The following ERC2 variants were observed in gnomAD, a reference collection of about 807,000 sequenced individuals.
ERC2 encodes ELKS/RAB6-interacting/CAST family member 2, also known as ERC protein 2.
ERC2 carries 42 observed loss-of-function variants against 114.8 expected under a neutral mutation model. The ratio of observed to expected loss-of-function variants is 0.37; its 90% CI spans 0.29 to 0.47. The LOEUF is 0.47. Among genes scored for constraint, ERC2 ranks in the 20% least tolerant of loss-of-function variants. ERC2 has a pLI of 0.99. For synonymous variants in ERC2, 454 were observed against 425.5 expected, an observed-to-expected ratio of 1.07 and a Z score of -0.82; for missense variants, 939 against 1,150.7, an observed-to-expected ratio of 0.82 and a Z score of 2.66.
intron 15 of ERC2, among the ~76,000 whole-genome samples, chr3:55,709,240 G>A (rs925941603): frequency 3.8e-4 from 57 of 151,946 alleles, no homozygotes; most frequent in African/African-American, 1.1e-3. Flanking sequence ...AGCGCCCTCC[G>A]AAAGAGGCCG....
chr3:55,938,500 C>A (rs1298528295), intron 13 of ERC2, among the ~76,000 whole-genome samples: 1 of 152,136 alleles, frequency 6.6e-6, no homozygotes, highest in Non-Finnish European at 1.5e-5. Flanking sequence ...AGGAAAATAA[C>A]CTTGCAAGAT....
chr3:56,090,666 C>CT (rs75767701), intron 6 of ERC2, among the ~76,000 whole-genome samples: 13,675 of 139,578 alleles, frequency 0.098, 855 homozygotes, highest in Non-Finnish European at 0.15. Context: ...TTCATATTTT[C>CT]TTTTTTTTTT....
intron 14 of ERC2, among the ~76,000 whole-genome samples, chr3:55,874,753 G>A (rs2062744951): frequency 6.6e-6 from 1 of 152,012 alleles, no homozygotes. Flanking sequence ...TGAAAGAAAT[G>A]AGACCTTGAG....
chr3:55,819,648 A>C (rs989452965), intron 14 of ERC2, among the ~76,000 whole-genome samples: 1 of 152,230 alleles, frequency 6.6e-6, no homozygotes, highest in Non-Finnish European at 1.5e-5. Context: ...AAAGAAAGGA[A>C]AGGCTCTGGA....
At chr3:55,764,991 C>A (rs2067679284) in intron 14 of ERC2, among the ~76,000 whole-genome samples, 1 of 152,106 alleles carries the variant, frequency 6.6e-6, no homozygotes, top group Admixed American at 6.6e-5. Flanking sequence ...AACTCTGTGC[C>A]AAACTTTATC....
rs956087043 is a variant in ERC2 at position 55,860,622 on chromosome 3, C to T, written c.2564+27767G>A. On this transcript the variant is annotated intron_variant, in intron 14 of 17. Coordinates refer to ENST00000288221, the MANE Select transcript of ERC2 (RefSeq NM_015576.3). The stretch of plus-strand genomic sequence containing the variant: ...GATCTGACTGTTGTCCTGTCAACGA[C>T]GCACTTTATTTTCTGCTGAAGCCTG... 4.6e-5 allele frequency among the ~76,000 whole-genome samples: 7 copies of T among 152,086 alleles called. No individual in the cohort carries two copies. In the East Asian group the frequency reaches 1.2e-3, roughly 25 times the overall value.
intron 14 of ERC2, among the ~76,000 whole-genome samples, chr3:55,883,888 AAAAC>A (rs1366942253): frequency 1.6e-5 from 2 of 127,146 alleles, no homozygotes; most frequent in Non-Finnish European, 1.6e-5. Flanking sequence ...GCTCCGTCTC[AAAAC>A]AACAACAACA....
At chr3:55,714,710 T>TACAC (rs2064009122) in intron 15 of ERC2, among the ~76,000 whole-genome samples, 1 of 99,632 alleles carries the variant, frequency 1.0e-5, no homozygotes, top group Admixed American at 1.1e-4. Flanking sequence ...TATATATATA[T>TACAC]ATATGAAAAG....
intron 17 of ERC2, among the ~76,000 whole-genome samples, chr3:55,587,947 C>A (rs190893641): frequency 6.6e-6 from 1 of 152,342 alleles, no homozygotes; most frequent in East Asian, 1.9e-4. Context: ...TGGTAACCAG[C>A]TGTGGCAGAG....
At chr3:55,758,054 A>G (rs62249342) in intron 14 of ERC2, among the ~76,000 whole-genome samples, 4,114 of 152,220 alleles carry the variant, frequency 0.027, 74 homozygotes, top group Non-Finnish European at 0.039. Context: ...CTGAAATATT[A>G]ATGACTTAAA....
At chr3:55,761,350 G>A (rs1275229554) in intron 14 of ERC2, among the ~76,000 whole-genome samples, 1 of 151,896 alleles carries the variant, frequency 6.6e-6, no homozygotes, top group Non-Finnish European at 1.5e-5. Context: ...TTTAATACAA[G>A]TGTGTCCTGC....
At chr3:55,866,129 C>A (rs1398183100) in intron 14 of ERC2, among the ~76,000 whole-genome samples, 1 of 152,068 alleles carries the variant, frequency 6.6e-6, no homozygotes. Flanking sequence ...AATTGCCTGT[C>A]TTTTTTCTGA....
chr3:55,753,685 G>A (rs1408409143), intron 14 of ERC2, among the ~76,000 whole-genome samples: 6 of 152,196 alleles, frequency 3.9e-5, no homozygotes, highest in East Asian at 3.8e-4. Context: ...ATTCACGAAC[G>A]GAAAACGACT....
intron 14 of ERC2, among the ~76,000 whole-genome samples, chr3:55,821,841 G>A (rs2060136086): frequency 6.6e-6 from 1 of 152,240 alleles, no homozygotes; most frequent in East Asian, 1.9e-4. Context: ...TCAATAATCA[G>A]TAGATTACCA....
At chr3:55,902,767 G>A (rs1261124712) in intron 13 of ERC2, among the ~76,000 whole-genome samples, 4 of 152,110 alleles carry the variant, frequency 2.6e-5, no homozygotes, top group Admixed American at 2.6e-4. Context: ...TTTTGACACT[G>A]GGCTCCTAGG....
At chr3:56,259,069 GT>G (rs1199148799) in intron 3 of ERC2, among the ~76,000 whole-genome samples, 3 of 151,464 alleles carry the variant, frequency 2.0e-5, no homozygotes, top group Non-Finnish European at 4.4e-5. Context: ...CACCTACCAG[GT>G]TCAAGTGATT....
intron 3 of ERC2, among the ~76,000 whole-genome samples, chr3:56,193,471 C>T (rs1420402368): frequency 4.6e-5 from 7 of 151,158 alleles, no homozygotes; most frequent in Non-Finnish European, 7.4e-5. Context: ...CATGCCACCA[C>T]ACTCAAGCCT....
chr3:55,578,867 A>G (rs1420374023), intron 17 of ERC2, among the ~76,000 whole-genome samples: 1 of 152,124 alleles, frequency 6.6e-6, no homozygotes, highest in Non-Finnish European at 1.5e-5. Context: ...TCTCCTGCAC[A>G]TGGCCTCTCA....
chr3:56,028,248 T>C (rs1227648890), intron 7 of ERC2, among the ~76,000 whole-genome samples: 1 of 152,148 alleles, frequency 6.6e-6, no homozygotes, highest in African/African-American at 2.4e-5. Flanking sequence ...TTTAACCTTA[T>C]TCTTTTTTCC....
Sources: gnomAD v4.1 joint callset for allele counts (sites outside exome capture counted in the v4.1 genomes callset) on GRCh38, gnomAD v4.1.1 for gene constraint, MANE v1.5 for transcripts, NCBI Gene and HGNC (gene_info 2026-07-23, HGNC 2026-07-21) for gene names.